Variants in CCDC171 observed in about 807,000 individuals in gnomAD.
CCDC171 encodes the protein coiled-coil domain containing 171.
CCDC171 carries 177 observed loss-of-function variants against 168.2 expected under a neutral mutation model. That is an observed-to-expected ratio of 1.05 (90% CI 0.93 to 1.19). The LOEUF (loss-of-function observed/expected upper bound fraction) is 1.19, where lower values mean the gene tolerates loss of function less well. Among genes scored for constraint, CCDC171 ranks in the 50% most tolerant of loss-of-function variants. CCDC171 has a pLI of 0.00. For synonymous variants in CCDC171, 687 were observed against 540.8 expected (o/e 1.27, Z -3.75); for missense variants, 1,991 against 1,539.0 (o/e 1.29, Z -4.91).
At chr9:16,040,013 A>ATGAGTGT (rs1833547337), upstream of CCDC171, among the ~76,000 whole-genome samples, 2 of 152,158 alleles carry the variant, frequency 1.3e-5, no homozygotes, top group Non-Finnish European at 2.9e-5. Context: ...GGACACTGGA[A>ATGAGTGT]CCTTTCAGAA....
At chr9:15,586,553 A>G (rs1212003961) in intron 4 of CCDC171, among the ~76,000 whole-genome samples, 1 of 152,172 alleles carries the variant, frequency 6.6e-6, no homozygotes, top group Non-Finnish European at 1.5e-5. Flanking sequence ...TACCATTGGA[A>G]TTATGTATGG....
intron 6 of CCDC171, among the ~76,000 whole-genome samples, chr9:15,614,128 G>A (rs545851596): frequency 9.7e-4 from 148 of 152,314 alleles, no homozygotes; most frequent in South Asian, 1.9e-3. Flanking sequence ...GAGCCTTAAG[G>A]TCAGCCAGAG....
At chr9:16,031,183 G>T (rs1833359375) in intron 6 of CCDC171, among the ~76,000 whole-genome samples, 2 of 152,114 alleles carry the variant, frequency 1.3e-5, no homozygotes, top group Admixed American at 1.3e-4. Context: ...TTGAAAATAG[G>T]TTTTTCAGCC....
At chr9:16,070,236 G>A in the CCDC171 span, among the ~76,000 whole-genome samples, 2 of 152,280 alleles carry the variant, frequency 1.3e-5, no homozygotes, top group African/African-American at 4.8e-5. Context: ...TTAAATCCCA[G>A]CCTAACACCC....
chr9:15,927,104 A>C (rs975104079), intron 25 of CCDC171, among the ~76,000 whole-genome samples: 2 of 151,716 alleles, frequency 1.3e-5, no homozygotes, highest in African/African-American at 4.8e-5. Flanking sequence ...TATTGTAGAC[A>C]TAATTATCTT....
intron 7 of CCDC171, among the ~76,000 whole-genome samples, chr9:15,630,194 A>G (rs1423474587): frequency 1.3e-5 from 2 of 152,210 alleles, no homozygotes; most frequent in Non-Finnish European, 2.9e-5. Context: ...CTTTAAATGT[A>G]AATGGGCTAA....
At chr9:15,775,144 A>G (rs1239546349) in intron 18 of CCDC171, among the ~76,000 whole-genome samples, 1 of 152,238 alleles carries the variant, frequency 6.6e-6, no homozygotes, top group Non-Finnish European at 1.5e-5. Flanking sequence ...TGTGAACTAT[A>G]TTGTAAAAAC....
At chr9:15,894,435 TA>T (rs973803568) in intron 24 of CCDC171, among the ~76,000 whole-genome samples, 3 of 151,898 alleles carry the variant, frequency 2.0e-5, no homozygotes, top group East Asian at 1.9e-4. Flanking sequence ...ACTTAAAAGA[TA>T]AAAAAAGAAA....
chr9:16,081,105 C>T, the CCDC171 span, among the ~76,000 whole-genome samples: 2 of 152,200 alleles, frequency 1.3e-5, no homozygotes, highest in Middle Eastern at 3.2e-3. Flanking sequence ...ACCCAAAGTT[C>T]AGACACGCCA....
chr9:15,926,723 A>T (rs1288440616), intron 25 of CCDC171, among the ~76,000 whole-genome samples: 1 of 151,684 alleles, frequency 6.6e-6, no homozygotes, highest in African/African-American at 2.4e-5. Context: ...TGAAACAAAG[A>T]CACAGTGTCT....
At chr9:15,806,424 G>T (rs1385007319) in intron 21 of CCDC171, among the ~76,000 whole-genome samples, 1 of 152,106 alleles carries the variant, frequency 6.6e-6, no homozygotes, top group Non-Finnish European at 1.5e-5. Context: ...TGTAACACAG[G>T]TCTGGTGGTA....
chr9:15,779,460 A>G (rs1450431426), intron 20 of CCDC171, among the ~76,000 whole-genome samples: 2 of 152,056 alleles, frequency 1.3e-5, no homozygotes, highest in African/African-American at 2.4e-5. Context: ...CCCGGGTTCA[A>G]GTGATTCTCT....
At position 15,816,543 on chromosome 9, in the gene CCDC171, T is replaced by G. The variant is rs2059568064; in HGVS notation, c.3268-30159T>G. On this transcript the variant is annotated intron_variant, in intron 21 of 25. Coordinates refer to ENST00000380701, the MANE Select transcript of CCDC171 (RefSeq NM_173550.4). ...TCTATTGAAGTATAGACTATACGTATGCAAAACTGGAAACAGAGGCAAGTT... is the reference window on the plus strand; with the variant it reads ...TCTATTGAAGTATAGACTATACGTAGGCAAAACTGGAAACAGAGGCAAGTT... Among the ~76,000 whole-genome samples the G allele has an allele frequency of 1.7e-5, 2 of 116,542 alleles. 1 individual carries two copies. Among genetic ancestry groups the G allele is most frequent in the Admixed American group, 1.6e-4 (2 of 12,514 alleles). The allele number at this position is 116,542 out of a possible 152,430, so 76.5% of individuals were successfully genotyped here.
intron 4 of CCDC171, among the ~76,000 whole-genome samples, chr9:15,586,518 AG>A (rs2041571768): frequency 6.6e-6 from 1 of 152,190 alleles, no homozygotes; most frequent in Non-Finnish European, 1.5e-5. Context: ...CTTAGTCAAA[AG>A]GCTTATAAAC....
chr9:15,909,432 A>G (rs1172877040), intron 24 of CCDC171, among the ~76,000 whole-genome samples: 1 of 151,874 alleles, frequency 6.6e-6, no homozygotes, highest in Non-Finnish European at 1.5e-5. Context: ...ACGTGCACAT[A>G]ATTCCACTGG....
chr9:15,687,694 G>T (rs1307770013), intron 10 of CCDC171, among the ~76,000 whole-genome samples: 1 of 152,030 alleles, frequency 6.6e-6, no homozygotes, highest in Non-Finnish European at 1.5e-5. Context: ...ACGAAAGGGG[G>T]ATATAACTAC....
Position 15,943,060 on chromosome 9 carries a change from A to G in CCDC171, c.3753+22638A>G, listed in dbSNP as rs566762281. Among the ~76,000 whole-genome samples, 126 of 152,028 alleles carry G rather than the reference A, an allele frequency of 8.3e-4. 1 individual carries two copies. The highest frequency in any genetic ancestry group is 1.3e-3 in the Admixed American group (20 of 15,238). ...CTGGCTGTCTTGTCAGCTTTGTTTGATGTTACTTTTCCCTTTGAAGATTTT... is the reference window on the plus strand; with the variant it reads ...CTGGCTGTCTTGTCAGCTTTGTTTGGTGTTACTTTTCCCTTTGAAGATTTT... On this transcript the variant is annotated intron_variant, in intron 25 of 25. Coordinates refer to ENST00000380701, the MANE Select transcript of CCDC171 (RefSeq NM_173550.4).
chr9:15,885,540 T>TAAA (rs1819280088), intron 24 of CCDC171: 1 of 152,206 alleles, frequency 6.6e-6, no homozygotes, highest in East Asian at 1.9e-4. Context: ...CAGTGTTTGA[T>TAAA]GGACTGCCTA....
At chr9:16,044,261 A>C (rs932727878) in intron 1 of CCDC171, among the ~76,000 whole-genome samples, 3 of 152,192 alleles carry the variant, frequency 2.0e-5, no homozygotes, top group Non-Finnish European at 4.4e-5. Context: ...CTAATCTCCA[A>C]CTTCCTTTTT....
Sources: gnomAD v4.1 joint callset for allele counts (sites outside exome capture counted in the v4.1 genomes callset) on GRCh38, gnomAD v4.1.1 for gene constraint, MANE v1.5 for transcripts, NCBI Gene and HGNC (gene_info 2026-07-23, HGNC 2026-07-21) for gene names.